The following BTBD16 variants were observed in gnomAD, a reference collection of about 807,000 sequenced individuals.
BTBD16 encodes the protein BTB/POZ domain-containing protein 16.
In BTBD16, 66 loss-of-function variants were observed where a neutral mutation model predicts 67.4. The ratio of observed to expected loss-of-function variants is 0.98; its 90% CI spans 0.80 to 1.20. The LOEUF is 1.20. Ranked by LOEUF, BTBD16 falls within the 50% of genes most tolerant of loss-of-function variation. The pLI, the probability that BTBD16 is intolerant of heterozygous loss-of-function variation, is 0.00. For missense variants in BTBD16, 634 were observed against 616.0 expected (o/e 1.03, Z -0.31); for synonymous variants, 242 against 236.4 (o/e 1.02, Z -0.22).
At chr10:122,276,703 T>C in intron 2 of BTBD16, 88 bp from the exon 3 acceptor site, 1 of 1,535,890 alleles carries the variant, frequency 6.5e-7, no homozygotes, top group Non-Finnish European at 8.8e-7. Flanking sequence ...TTTGTCTTGA[T>C]TTCCTTCTTG....
chr10:122,272,595 C>T (rs2096331226), intron 1 of BTBD16, among the ~76,000 whole-genome samples: 1 of 152,142 alleles, frequency 6.6e-6, no homozygotes, highest in African/African-American at 2.4e-5. Context: ...CCTGCCTTGG[C>T]CTCCCAAAGT....
chr10:122,278,704 G>A (rs905345744), intron 3 of BTBD16, among the ~76,000 whole-genome samples: 2 of 152,176 alleles, frequency 1.3e-5, no homozygotes, highest in South Asian at 4.1e-4. Context: ...CCGGTCTTCT[G>A]GGGAGAAGCT....
chr10:122,333,375 C>T lies in BTBD16; in HGVS notation c.1164+862C>T, dbSNP rs185304579. On this transcript the variant is annotated intron_variant, in intron 13 of 15. Coordinates refer to ENST00000260723, the MANE Select transcript of BTBD16 (RefSeq NM_144587.5). ...GACCACAGGTCATCTAAGAACATAC[C>T]TAACCTATTCTTTACCTCACTAAGG... is the stretch of plus-strand genomic sequence containing the variant. 6.6e-5 allele frequency among the ~76,000 whole-genome samples: 10 copies of T among 152,258 alleles called. No homozygotes were observed. The East Asian group carries it at 1.9e-3, about 29-fold the overall frequency.
At chr10:122,293,533 C>T (rs1360349420) in intron 7 of BTBD16, among the ~76,000 whole-genome samples, 3 of 152,012 alleles carry the variant, frequency 2.0e-5, no homozygotes, top group Non-Finnish European at 2.9e-5. Context: ...GTTAGGTGGC[C>T]GTGGTAGATG....
chr10:122,292,972 A>G (rs2096376834), intron 7 of BTBD16, among the ~76,000 whole-genome samples: 1 of 152,240 alleles, frequency 6.6e-6, no homozygotes. Flanking sequence ...AACCAAGTGG[A>G]AAATCATTCA....
intron 8 of BTBD16, among the ~76,000 whole-genome samples, 180 bp from the exon 9 acceptor site, chr10:122,298,824 G>A (rs1356523209): frequency 2.6e-5 from 4 of 152,152 alleles, no homozygotes; most frequent in South Asian, 2.1e-4. Context: ...TGAGTGCAGC[G>A]CCTCGAGCAT....
chr10:122,279,394 A>G (rs976167800), intron 3 of BTBD16, among the ~76,000 whole-genome samples: 2 of 151,988 alleles, frequency 1.3e-5, no homozygotes, highest in Middle Eastern at 3.4e-3. Flanking sequence ...TGGGAGGATC[A>G]CTTGAGCCAA....
At chr10:122,304,206 G>C (rs1367831355) in intron 9 of BTBD16, among the ~76,000 whole-genome samples, 4 of 152,196 alleles carry the variant, frequency 2.6e-5, no homozygotes, top group Non-Finnish European at 5.9e-5. Context: ...TGTCTGGCCA[G>C]AGTCAAAGTC....
chr10:122,337,077 A>G (rs1309124275), intron 15 of BTBD16, among the ~76,000 whole-genome samples: 2 of 152,174 alleles, frequency 1.3e-5, no homozygotes, highest in African/African-American at 4.8e-5. Flanking sequence ...ACTCAGGCCC[A>G]CTGGGGAAGG....
intron 10 of BTBD16, chr10:122,327,466 C>T (rs1336941003): frequency 2.5e-6 from 1 of 397,064 alleles, no homozygotes; most frequent in Non-Finnish European, 3.4e-6. Flanking sequence ...CAAGGCACCA[C>T]CTGTGGCTAC....
At chr10:122,299,567 CA>C (rs1285921024) in intron 9 of BTBD16, among the ~76,000 whole-genome samples, 2 of 151,854 alleles carry the variant, frequency 1.3e-5, no homozygotes, top group East Asian at 3.9e-4. Flanking sequence ...ACCTCTCTGA[CA>C]ATTAAGATTA....
intron 13 of BTBD16, chr10:122,333,024 C>T (rs955456243): frequency 2.1e-6 from 2 of 952,748 alleles, no homozygotes; most frequent in African/African-American, 1.8e-5. Context: ...ACCAGGGGAA[C>T]CTTGGAGTTG....
chr10:122,325,435 C>T (rs2096442769), intron 10 of BTBD16, among the ~76,000 whole-genome samples: 2 of 152,152 alleles, frequency 1.3e-5, no homozygotes, highest in African/African-American at 2.4e-5. Context: ...TGCCTGTAGA[C>T]TTTGGGCAAG....
At chr10:122,310,998 T>A (rs1021450093) in intron 10 of BTBD16, among the ~76,000 whole-genome samples, 1 of 134,892 alleles carries the variant, frequency 7.4e-6, no homozygotes, top group African/African-American at 3.0e-5. Context: ...GTCTCAGCAG[T>A]GTCCGGAAGA....
At chr10:122,272,238 A>G (rs929053897) in intron 1 of BTBD16, among the ~76,000 whole-genome samples, 10 of 152,234 alleles carry the variant, frequency 6.6e-5, no homozygotes, top group African/African-American at 2.4e-4. Context: ...ACAGCCAAAG[A>G]TGCTCTTAAC....
At chr10:122,275,236 G>C in intron 2 of BTBD16, 137 bp downstream of exon 2, 1 of 850,650 alleles carries the variant, frequency 1.2e-6, no homozygotes, top group Non-Finnish European at 2.0e-6. Flanking sequence ...CGGCTGGAAA[G>C]AGCGCGTCCA....
At chr10:122,317,672 A>AC (rs397790904) in intron 10 of BTBD16, among the ~76,000 whole-genome samples, 62 of 151,508 alleles carry the variant, frequency 4.1e-4, no homozygotes, top group South Asian at 6.3e-4. Flanking sequence ...AACAAAAAAA[A>AC]CAAAAAAACA....
At chr10:122,295,078 C>T (rs1487935635) in intron 7 of BTBD16, among the ~76,000 whole-genome samples, 1 of 152,228 alleles carries the variant, frequency 6.6e-6, no homozygotes, top group Admixed American at 6.5e-5. Flanking sequence ...ATTTCCAGAA[C>T]CAGCAGCACA....
At chr10:122,273,994 A>G (rs1363701995) in intron 1 of BTBD16, among the ~76,000 whole-genome samples, 2 of 152,212 alleles carry the variant, frequency 1.3e-5, no homozygotes, top group African/African-American at 2.4e-5. Flanking sequence ...CCATATGGCG[A>G]CTGCACAGGA....
Sources: allele counts gnomAD v4.1 joint callset (sites outside exome capture counted in the v4.1 genomes callset), GRCh38; gene constraint gnomAD v4.1.1; transcripts MANE v1.5; gene names NCBI Gene and HGNC (gene_info 2026-07-23, HGNC 2026-07-21).